SPO11: variants seen among roughly 807,000 people sequenced by gnomAD.
The protein encoded by SPO11 is SPO11 initiator of meiotic double strand breaks.
In SPO11, 49 loss-of-function variants were observed where a neutral mutation model predicts 51.6. That is an observed-to-expected ratio of 0.95 (90% CI 0.75 to 1.20). The LOEUF (loss-of-function observed/expected upper bound fraction) is 1.20, where lower values mean the gene tolerates loss of function less well. Ranked by LOEUF, SPO11 falls within the 50% of genes most tolerant of loss-of-function variation. The probability of loss-of-function intolerance (pLI) is 0.00; values close to 1 mark genes in which losing one functional copy is unlikely to be tolerated. For missense variants in SPO11, 431 were observed against 473.4 expected, an observed-to-expected ratio of 0.91 and a Z score of 0.83; for synonymous variants, 176 against 158.2, an observed-to-expected ratio of 1.11 and a Z score of -0.84.
At chr20:57,335,134 T>G (rs1162396340) in intron 6 of SPO11, among the ~76,000 whole-genome samples, 1 of 152,206 alleles carries the variant, frequency 6.6e-6, no homozygotes, top group Non-Finnish European at 1.5e-5. Flanking sequence ...TTCATAAAAT[T>G]TTCTGGTTCT....
intron 11 of SPO11, among the ~76,000 whole-genome samples, chr20:57,341,366 A>G (rs896986599): frequency 3.3e-5 from 5 of 152,188 alleles, no homozygotes. Flanking sequence ...TCAGGGTTTG[A>G]CTGTTGTCTG....
Position 57,334,108 on chromosome 20 carries a change from T to A in SPO11, c.510+13T>A. On this transcript the variant is annotated intron_variant, in intron 5 of 12. Coordinates refer to ENST00000371263, the MANE Select transcript of SPO11 (RefSeq NM_012444.3). ...GAGTCTACATATAGTAAGTAGTACC[T>A]AATACAAAACATTTTATTTTAAAAC... is the stretch of plus-strand genomic sequence containing the variant. The A allele has an allele frequency of 8.1e-7, 1 of 1,227,132 alleles. No homozygotes were observed. The highest frequency in any genetic ancestry group is 2.2e-5 in the Admixed American group (1 of 44,588). The allele number at this position is 1,227,132 out of a possible 1,614,324, so 76.0% of individuals were successfully genotyped here.
intron 8 of SPO11, among the ~76,000 whole-genome samples, chr20:57,337,170 A>G (rs543919320): frequency 2.0e-5 from 3 of 150,380 alleles, no homozygotes; most frequent in Admixed American, 2.0e-4. Context: ...CTGAATCTCT[A>G]GGGCTACTCT....
intron 11 of SPO11, among the ~76,000 whole-genome samples, chr20:57,340,986 A>G (rs1016264178): frequency 6.6e-6 from 1 of 152,214 alleles, no homozygotes; most frequent in Non-Finnish European, 1.5e-5. Context: ...AATATCACCT[A>G]CAGATCAGCA....
At chr20:57,340,965 G>T (rs546753723) in intron 11 of SPO11, among the ~76,000 whole-genome samples, 1 of 152,156 alleles carries the variant, frequency 6.6e-6, no homozygotes, top group African/African-American at 2.4e-5. Flanking sequence ...AAAATATTAA[G>T]CAACAAGTTA....
intron 8 of SPO11, 148 bp from the exon 9 acceptor site, chr20:57,338,128 C>T (rs765423823): frequency 1.4e-5 from 9 of 623,728 alleles, no homozygotes; most frequent in African/African-American, 3.7e-5. Context: ...CTCAGGTGAT[C>T]GATCCCCCTA....
In SPO11 at chr20:57,340,129, A is replaced by T. The variant is rs1031367680; in HGVS notation, c.910A>T (p.Thr304Ser). 6.2e-7 allele frequency: 1 copy of T among 1,612,354 alleles called. No individual in the cohort carries two copies. Among genetic ancestry groups the T allele is most frequent in the Non-Finnish European group, 8.5e-7 (1 of 1,178,480 alleles). The change falls in exon 11 of 13, where the codon ACA (threonine) becomes TCA (serine). Residue 304 changes from threonine to serine, a missense_variant. Thr to Ser is a moderately conservative substitution (Grantham distance 58). Transcript: ENST00000371263. ...MSMSFEAHHL[T>S]VPAIRWLGLL... is the part of the protein sequence containing the mutation. ...TATGTCTTTTGAAGCTCATCATCTC[A>T]CAGTTCCAGCTATTAGATGGCTTGG...
rs1568754509 is a variant in SPO11, at chr20:57,329,826, T to C, written c.-42T>C. The C allele has an allele frequency of 6.3e-7, 1 of 1,592,592 alleles. No individual in the cohort carries two copies. Among genetic ancestry groups the C allele is most frequent in the South Asian group, 1.1e-5 (1 of 89,574 alleles). On this transcript the variant is annotated 5_prime_UTR_variant, in exon 1 of 13. Coordinates refer to ENST00000371263, the MANE Select transcript of SPO11 (RefSeq NM_012444.3). ...GCAGCCACGCCCCAAGGGCGCAGCC[T>C]AGGACAGGGGCTTCTGGAGCTTCTG... is the stretch of plus-strand genomic sequence containing the variant.
At chr20:57,331,309 A>G (rs16980890) in intron 1 of SPO11, among the ~76,000 whole-genome samples, 2,360 of 152,366 alleles carry the variant, frequency 0.015, 53 homozygotes, top group African/African-American at 0.054. Flanking sequence ...AAATTTCAAA[A>G]GAGCCGATTT....
chr20:57,335,366 A>G (rs561827166), intron 6 of SPO11, 53 bp from the exon 7 acceptor site: 29 of 1,474,062 alleles, frequency 2.0e-5, no homozygotes, highest in Non-Finnish European at 2.2e-5. Context: ...GTGATAAACT[A>G]AAAATGTGGT....
intron 10 of SPO11, 141 bp downstream of exon 10, chr20:57,339,167 A>C: frequency 2.1e-6 from 1 of 482,208 alleles, no homozygotes; most frequent in Non-Finnish European, 3.7e-6. Flanking sequence ...CTATTCTAGG[A>C]GCAATCTGTG....
At chr20:57,335,674 T>C in intron 7 of SPO11, 124 bp from the exon 8 acceptor site, 1 of 707,518 alleles carries the variant, frequency 1.4e-6, no homozygotes, top group Non-Finnish European at 2.4e-6. Flanking sequence ...GTTTATATGT[T>C]TGAAGGTACA....
At chr20:57,334,573 C>T (rs1327183448) in intron 5 of SPO11, among the ~76,000 whole-genome samples, 177 bp from the exon 6 acceptor site, 2 of 152,232 alleles carry the variant, frequency 1.3e-5, no homozygotes, top group African/African-American at 4.8e-5. Flanking sequence ...ATGGACCAAA[C>T]TGATGAATTA....
rs2066478351 is a variant in SPO11, at chr20:57,333,843, T to C, written c.401+90T>C. On this transcript the variant is annotated intron_variant, in intron 4 of 12. Transcript: ENST00000371263. The stretch of plus-strand genomic sequence containing the variant: ...TTATTATATGCTTTGAAAAGTTACA[T>C]AAGACTAAACTATAGCTCATAATTT... The C allele has an allele frequency of 1.6e-5, 16 of 985,040 alleles. No homozygotes were observed. The South Asian group carries it at 2.5e-4, about 16-fold the overall frequency. 61.0% of individuals were successfully genotyped at this position (985,040 alleles called of 1,614,324 possible).
intron 8 of SPO11, chr20:57,337,860 T>G: frequency 1.4e-6 from 1 of 739,624 alleles, no homozygotes; most frequent in Non-Finnish European, 2.0e-6. Context: ...AACCGTTGTA[T>G]GAGCATAACC....
At chr20:57,334,978 T>G in intron 6 of SPO11, 142 bp downstream of exon 6, 1 of 645,274 alleles carries the variant, frequency 1.5e-6, no homozygotes, top group Non-Finnish European at 2.6e-6. Flanking sequence ...GGAATATGCT[T>G]TACAGAACTG....
chr20:57,329,890 CCGAGGCCTCGTTCTT>C lies in SPO11; in HGVS notation c.27_41del (p.Glu9_Phe13del). ...CTCATGGCCTTTGCACCTATGGGGC[CCGAGGCCTCGTTCTT>C]CGACGTTTTGGACCGACACAGGGAG... On this transcript the variant is annotated inframe_deletion, in exon 1 of 13. Transcript: ENST00000371263. 1.2e-6 allele frequency: 2 copies of C among 1,613,814 alleles called. No individual in the cohort carries two copies. The highest frequency in any genetic ancestry group is 1.7e-6 in the Non-Finnish European group (2 of 1,179,864).
At chr20:57,331,994 ATTAAAAT>A in intron 2 of SPO11, 48 bp downstream of exon 2, 1 of 1,107,798 alleles carries the variant, frequency 9.0e-7, no homozygotes, top group Non-Finnish European at 1.3e-6. Context: ...CTATGTCATT[ATTAAAAT>A]TATTTGAATT....
At chr20:57,337,518 G>A (rs1327986974) in intron 8 of SPO11, among the ~76,000 whole-genome samples, 3 of 152,128 alleles carry the variant, frequency 2.0e-5, no homozygotes, top group Non-Finnish European at 4.4e-5. Context: ...GCAGATCACC[G>A]CTGTACTATG....
Sources: gnomAD v4.1 joint callset for allele counts (sites outside exome capture counted in the v4.1 genomes callset) on GRCh38, gnomAD v4.1.1 for gene constraint, MANE v1.5 for transcripts, NCBI Gene and HGNC (gene_info 2026-07-23, HGNC 2026-07-21) for gene names.